The following C1orf198 variants were observed in gnomAD, a reference collection of about 807,000 sequenced individuals.
C1orf198 encodes the protein uncharacterized protein C1orf198.
C1orf198 carries 17 observed loss-of-function variants against 31.4 expected under a neutral mutation model. That is an observed-to-expected ratio of 0.54 (90% CI 0.37 to 0.81). The LOEUF (loss-of-function observed/expected upper bound fraction) is 0.81, where lower values mean the gene tolerates loss of function less well. Among genes scored for constraint, C1orf198 ranks in the 40% least tolerant of loss-of-function variants. The pLI is 0.00. For missense variants in C1orf198, 401 were observed against 450.3 expected (o/e 0.89, Z 0.99); for synonymous variants, 175 against 193.8 (o/e 0.90, Z 0.81).
chr1:230,855,800 A>G (rs1175552187), intron 1 of C1orf198, 82 bp from the exon 2 acceptor site: 1 of 1,549,882 alleles, frequency 6.5e-7, no homozygotes, highest in African/African-American at 1.4e-5. Context: ...CCGTGGGGGA[A>G]CCAAAACTTA....
chr1:230,842,224 C>T (rs1009859803), intron 3 of C1orf198, among the ~76,000 whole-genome samples: 1 of 152,130 alleles, frequency 6.6e-6, no homozygotes, highest in South Asian at 2.1e-4. Flanking sequence ...GATGGTTACA[C>T]AGCATTGAGA....
chr1:230,843,251 G>C lies in C1orf198; in HGVS notation c.927+103C>G, dbSNP rs1391293469. The C allele has an allele frequency of 2.2e-6, 3 of 1,336,810 alleles. No homozygotes were observed. Among genetic ancestry groups the C allele is most frequent in the Non-Finnish European group, 3.0e-6 (3 of 995,794 alleles). The allele number at this position is 1,336,810 out of a possible 1,614,324, so 82.8% of individuals were successfully genotyped here. A position where few individuals can be genotyped will look rare whatever the true frequency, so the allele number is the denominator to read the frequency against. On this transcript the variant is annotated intron_variant, in intron 3 of 3. Transcript: ENST00000366663. The surrounding 1 kb of genome is among the most constrained non-coding windows in gnomAD (Gnocchi z 4.9). ...AGAGGCAGGGGAAGGAGAAGAAAAA[G>C]AGCATGGGCACCTGTGGCCTGCCTG...
At chr1:230,852,027 T>C (rs1185080149) in intron 2 of C1orf198, among the ~76,000 whole-genome samples, 2 of 152,218 alleles carry the variant, frequency 1.3e-5, no homozygotes, top group African/African-American at 4.8e-5. Flanking sequence ...TGTAGGTAGA[T>C]TCGTCAGGGG....
rs557963222 is a variant in C1orf198 at position 230,861,565 on chromosome 1, C to T, written c.334-5847G>A. Among the ~76,000 whole-genome samples, 8 of 152,316 alleles carry T rather than the reference C, an allele frequency of 5.3e-5. No individual in the cohort carries two copies. The East Asian group carries it at 1.5e-3, about 29-fold the overall frequency. On this transcript the variant is annotated intron_variant, in intron 1 of 3. Transcript: ENST00000366663. ...GTCACGCCAACAGCGTGCAACGGGC[C>T]ATGGTGGAGTATCTGGTCATGGCAA...
chr1:230,843,490 C>T lies in C1orf198; in HGVS notation c.791G>A (p.Arg264Lys). The part of the protein sequence containing the change: ...PLPNVSTERE[R>K]PQPVQAFSSA... ...GCTGAAGGCCTGGACAGGCTGGGGTCTCTCACGTTCGGTGCTCACGTTGGG... is the reference window on the plus strand; with the variant it reads ...GCTGAAGGCCTGGACAGGCTGGGGTTTCTCACGTTCGGTGCTCACGTTGGG... Residue 264 changes from arginine to lysine, a missense_variant, in exon 3 of 4, where the codon AGA becomes AAA. Transcript: ENST00000366663. This position sits in a 1 kb window ranked among gnomAD's most constrained non-coding sequence, Gnocchi z 4.9. 1 of 1,612,204 alleles carries T rather than the reference C, an allele frequency of 6.2e-7. No individual in the cohort carries two copies. The highest frequency in any genetic ancestry group is 1.1e-5 in the South Asian group (1 of 90,702).
chr1:230,844,415 G>A (rs993033948), intron 2 of C1orf198, among the ~76,000 whole-genome samples: 17 of 152,070 alleles, frequency 1.1e-4, no homozygotes, highest in South Asian at 2.1e-4. Flanking sequence ...CTCCCCAGAA[G>A]CCAAGCAGAT....
upstream of C1orf198, chr1:230,868,636 G>A: frequency 1.3e-6 from 1 of 799,080 alleles, no homozygotes; most frequent in Non-Finnish European, 1.5e-6. Flanking sequence ...CGCGTACCCG[G>A]GTCTCCAAGC....
In C1orf198 at chr1:230,839,786, A is replaced by G; in HGVS notation, c.*66T>C. 1 of 1,428,418 alleles carries G rather than the reference A, an allele frequency of 7.0e-7. No homozygotes were observed. Among genetic ancestry groups the G allele is most frequent in the Non-Finnish European group, 9.7e-7 (1 of 1,035,482 alleles). 88.5% of individuals were successfully genotyped at this position (1,428,418 alleles called of 1,614,324 possible). A position where few individuals can be genotyped will look rare whatever the true frequency, so the allele number is the denominator to read the frequency against. On this transcript the variant is annotated 3_prime_UTR_variant, in exon 4 of 4. Transcript: ENST00000366663. ...TACATAGGAAAAGGTGGCCCTTTTT[A>G]TCCTCCTCCACCACACCACTTTGGA...
intron 2 of C1orf198, among the ~76,000 whole-genome samples, chr1:230,848,645 C>T (rs1297291049): frequency 6.6e-6 from 1 of 152,174 alleles, no homozygotes; most frequent in Non-Finnish European, 1.5e-5. Context: ...CAAAATATCA[C>T]ATGTACCCTA....
intron 1 of C1orf198, among the ~76,000 whole-genome samples, chr1:230,856,467 C>A (rs920225722): frequency 6.6e-6 from 1 of 152,072 alleles, no homozygotes; most frequent in Non-Finnish European, 1.5e-5. Context: ...GGGGAAGCCA[C>A]CTTTCCTTAT....
chr1:230,868,073 C>A, intron 1 of C1orf198, 107 bp downstream of exon 1: 6 of 1,044,426 alleles, frequency 5.7e-6, no homozygotes, highest in African/African-American at 1.7e-5. Context: ...CTTTTCTTTT[C>A]CAGCCCCTAC....
chr1:230,851,367 G>C (rs992384491), intron 2 of C1orf198, among the ~76,000 whole-genome samples: 1 of 152,106 alleles, frequency 6.6e-6, no homozygotes, highest in Non-Finnish European at 1.5e-5. Context: ...CAAGGCTGGG[G>C]ATGGGGTCCC....
intron 2 of C1orf198, among the ~76,000 whole-genome samples, chr1:230,854,075 G>A (rs1441322589): frequency 6.6e-6 from 1 of 152,210 alleles, no homozygotes. Context: ...AAATTCTTAA[G>A]AGAACAGATG....
chr1:230,846,460 C>T (rs997530396), intron 2 of C1orf198, among the ~76,000 whole-genome samples: 4 of 152,224 alleles, frequency 2.6e-5, no homozygotes, highest in Non-Finnish European at 1.5e-5. Context: ...TTTGTCAGGG[C>T]AAGGATGGAA....
chr1:230,855,557 G>A (rs558734538), intron 2 of C1orf198, 111 bp downstream of exon 2: 1 of 1,155,334 alleles, frequency 8.7e-7, no homozygotes, highest in Non-Finnish European at 1.2e-6. Context: ...ATCCCCTGCA[G>A]CCTGGCAGTC....
At position 230,843,762 on chromosome 1, in the gene C1orf198, G is replaced by A; in HGVS notation, c.519C>T (p.Ser173=). ...QALKSSQGSR[S]SSLDALGPTR... The stretch of plus-strand genomic sequence containing the variant: ...TGGGGCCCAGGGCGTCCAGGCTGGA[G>A]GACCTGCTGCCTTGGGAGGACTTGA... Residue 173 remains serine, a synonymous_variant, in exon 3 of 4, where the codon TCC becomes TCT. Transcript: ENST00000366663. The surrounding 1 kb of genome is among the most constrained non-coding windows in gnomAD (Gnocchi z 4.9). 2 of 1,613,698 alleles carry A rather than the reference G, an allele frequency of 1.2e-6. No individual in the cohort carries two copies. Among genetic ancestry groups the A allele is most frequent in the Non-Finnish European group, 8.5e-7 (1 of 1,179,702 alleles).
At chr1:230,868,642 C>A, upstream of C1orf198, 1 of 717,150 alleles carries the variant, frequency 1.4e-6, no homozygotes, top group Non-Finnish European at 1.8e-6. Flanking sequence ...CCCGGGTCTC[C>A]AAGCCAACCC....
Position 230,843,453 on chromosome 1 carries a change from G to A in C1orf198, c.828C>T (p.His276=), listed in dbSNP as rs750314997. 126 of 1,605,444 alleles carry A rather than the reference G, an allele frequency of 7.8e-5. No homozygotes were observed. The highest frequency in any genetic ancestry group is 3.5e-4 in the South Asian group (31 of 89,786). Residue 276 remains histidine, a synonymous_variant, in exon 3 of 4, where the codon CAC becomes CAT. Coordinates refer to ENST00000366663, the MANE Select transcript of C1orf198 (RefSeq NM_032800.3). The surrounding 1 kb of genome is among the most constrained non-coding windows in gnomAD (Gnocchi z 4.9). ...QPVQAFSSAL[H]EAAPSQLEGK... is the part of the protein sequence containing the mutation. ...CCTCGAGCTGGGAGGGGGCAGCCTC[G>A]TGCAGTGCACTGCTGAAGGCCTGGA...
At chr1:230,845,791 G>C (rs1259258648) in intron 2 of C1orf198, among the ~76,000 whole-genome samples, 3 of 152,080 alleles carry the variant, frequency 2.0e-5, no homozygotes, top group Admixed American at 2.0e-4. Flanking sequence ...AAAAGAAAAA[G>C]AATCAGTCAC....
Sources: gnomAD v4.1 joint callset for allele counts (sites outside exome capture counted in the v4.1 genomes callset) on GRCh38, gnomAD v4.1.1 for gene constraint, Gnocchi (gnomAD v3.1) non-coding constraint, MANE v1.5 for transcripts, NCBI Gene and HGNC (gene_info 2026-07-23, HGNC 2026-07-21) for gene names.